Variants in CLEC16A observed in about 807,000 individuals in gnomAD.
CLEC16A encodes protein CLEC16A.
In CLEC16A, 51 loss-of-function variants were observed where a neutral mutation model predicts 109.5. The ratio of observed to expected loss-of-function variants is 0.47; its 90% CI spans 0.37 to 0.59. The LOEUF is 0.59. CLEC16A is among the 20% of genes least tolerant of loss of function. The pLI is 0.00. For synonymous variants in CLEC16A, 673 were observed against 564.2 expected, an observed-to-expected ratio of 1.19 and a Z score of -2.73; for missense variants, 1,339 against 1,394.0, an observed-to-expected ratio of 0.96 and a Z score of 0.63.
intron 10 of CLEC16A, among the ~76,000 whole-genome samples, chr16:11,000,923 T>C (rs2044631915): frequency 6.6e-6 from 1 of 152,186 alleles, no homozygotes; most frequent in Non-Finnish European, 1.5e-5. Flanking sequence ...ATAATCTATA[T>C]CAAGATAATG....
intron 15 of CLEC16A, 151 bp from the exon 16 acceptor site, chr16:11,043,877 A>T: frequency 1.9e-6 from 1 of 532,474 alleles, no homozygotes. Flanking sequence ...CCATCTCAAG[A>T]AAAGGGAAAA....
chr16:11,005,689 G>A (rs2044959566), intron 11 of CLEC16A, among the ~76,000 whole-genome samples: 1 of 152,210 alleles, frequency 6.6e-6, no homozygotes, highest in African/African-American at 2.4e-5. Context: ...TGCAGTTGGT[G>A]GGTGTTCTCT....
chr16:11,129,861 C>T (rs548321874), intron 22 of CLEC16A, among the ~76,000 whole-genome samples: 333 of 151,310 alleles, frequency 2.2e-3, no homozygotes, highest in Non-Finnish European at 3.8e-3. Flanking sequence ...CTCCCGGGTT[C>T]ACACCATTCT....
At chr16:10,960,287 C>G (rs1182695075) in intron 2 of CLEC16A, among the ~76,000 whole-genome samples, 1 of 152,088 alleles carries the variant, frequency 6.6e-6, no homozygotes, top group African/African-American at 2.4e-5. Context: ...ATTTTGTTGT[C>G]GTATATCCCC....
intron 23 of CLEC16A, among the ~76,000 whole-genome samples, chr16:11,173,677 T>C (rs1468935646): frequency 6.6e-6 from 1 of 152,026 alleles, no homozygotes; most frequent in Non-Finnish European, 1.5e-5. Context: ...TTGATTCACT[T>C]AGCTGGTTTG....
At chr16:10,966,055 C>G (rs957774075) in intron 3 of CLEC16A, among the ~76,000 whole-genome samples, 1 of 152,182 alleles carries the variant, frequency 6.6e-6, no homozygotes, top group African/African-American at 2.4e-5. Flanking sequence ...CCCTACTTCT[C>G]CCCCAGCAAG....
chr16:11,089,990 C>T (rs913153363), intron 19 of CLEC16A, among the ~76,000 whole-genome samples: 20 of 152,226 alleles, frequency 1.3e-4, no homozygotes, highest in Non-Finnish European at 2.6e-4. Context: ...TCTCTCAAAC[C>T]TCCACCATCC....
At position 11,020,229 on chromosome 16, in the gene CLEC16A, C is replaced by G. The variant is rs1366471211; in HGVS notation, c.1340C>G (p.Ser447Ter). ...GTGATCATGGAGCGTAGCAAGCTCT[C>G]AGAGCTGGCCGCCAGCACCTCCGTG... ...EMVIMERSKL[S>*]ELAASTSVQE... The change falls in exon 12 of 24, where the codon TCA becomes TGA. Residue 447 changes from serine (S) to a stop codon, truncating the protein, a stop_gained. Coordinates refer to ENST00000409790, the MANE Select transcript of CLEC16A (RefSeq NM_015226.3). LOFTEE classifies it high-confidence loss of function. The G allele has an allele frequency of 6.2e-7, 1 of 1,613,742 alleles. No homozygotes were observed. Among genetic ancestry groups the G allele is most frequent in the Non-Finnish European group, 8.5e-7 (1 of 1,179,730 alleles).
intron 1 of CLEC16A, among the ~76,000 whole-genome samples, chr16:10,945,646 G>T (rs1353078891): frequency 6.6e-6 from 1 of 152,170 alleles, no homozygotes; most frequent in African/African-American, 2.4e-5. Flanking sequence ...TGCAAATGGG[G>T]ATCGTGAACA....
intron 22 of CLEC16A, among the ~76,000 whole-genome samples, chr16:11,164,383 A>G (rs891974219): frequency 1.3e-5 from 2 of 152,204 alleles, no homozygotes; most frequent in African/African-American, 4.8e-5. Context: ...ACAGCTTCAC[A>G]TGAACCTGAG....
In CLEC16A at chr16:11,039,772, T is replaced by A; in HGVS notation, c.1556T>A (p.Leu519Ter). 1 of 1,602,658 alleles carries A rather than the reference T, an allele frequency of 6.2e-7. No homozygotes were observed. The highest frequency in any genetic ancestry group is 8.5e-7 in the Non-Finnish European group (1 of 1,174,746). The change falls in exon 14 of 24, where the codon TTA becomes TAA. Residue 519 changes from leucine to a stop codon, truncating the protein, a stop_gained. Transcript: ENST00000409790. LOFTEE classifies it high-confidence loss of function. Reference sequence around the variant, plus strand: ...GTTCCAGGCATGGATCCTGAAAAATTAGAGCGAATCCAGCTCCCCGTGCCA... The same window carrying A: ...GTTCCAGGCATGGATCCTGAAAAATAAGAGCGAATCCAGCTCCCCGTGCCA... ...SHNKGMDPEK[L>*]ERIQLPVPNA...
At chr16:10,985,616 C>G (rs1405465667) in intron 10 of CLEC16A, among the ~76,000 whole-genome samples, 1 of 151,662 alleles carries the variant, frequency 6.6e-6, no homozygotes, top group African/African-American at 2.4e-5. Flanking sequence ...CTCAGATTGT[C>G]TTACTGTAAG....
intron 11 of CLEC16A, among the ~76,000 whole-genome samples, chr16:11,014,605 A>G (rs902385376): frequency 4.6e-5 from 7 of 152,244 alleles, no homozygotes; most frequent in Admixed American, 6.5e-5. Flanking sequence ...CATAAAAGCA[A>G]GCAAATTAAA....
intron 19 of CLEC16A, among the ~76,000 whole-genome samples, chr16:11,089,860 C>G (rs1415614597): frequency 6.6e-6 from 1 of 152,236 alleles, no homozygotes; most frequent in Admixed American, 6.5e-5. Flanking sequence ...CCAGTCAACC[C>G]TGTGCTCTGC....
intron 10 of CLEC16A, among the ~76,000 whole-genome samples, chr16:10,997,049 C>T (rs1410079049): frequency 6.6e-6 from 1 of 152,216 alleles, no homozygotes; most frequent in Non-Finnish European, 1.5e-5. Context: ...GCAGCCTCAA[C>T]CTTCTGGGCT....
intron 19 of CLEC16A, among the ~76,000 whole-genome samples, chr16:11,076,021 A>C (rs1455709434): frequency 6.6e-6 from 1 of 152,148 alleles, no homozygotes; most frequent in Non-Finnish European, 1.5e-5. Context: ...TAAGCATCAC[A>C]TAGATAGAGA....
At chr16:11,145,416 C>G (rs2054010305) in intron 22 of CLEC16A, among the ~76,000 whole-genome samples, 1 of 152,244 alleles carries the variant, frequency 6.6e-6, no homozygotes, top group Non-Finnish European at 1.5e-5. Context: ...CATCCGCGGC[C>G]TCTCCCACTC....
At chr16:11,051,844 G>A (rs915043801) in intron 18 of CLEC16A, among the ~76,000 whole-genome samples, 1 of 152,238 alleles carries the variant, frequency 6.6e-6, no homozygotes, top group African/African-American at 2.4e-5. Context: ...TTGGCATTCC[G>A]TTGCATCTGG....
intron 22 of CLEC16A, among the ~76,000 whole-genome samples, chr16:11,161,565 G>A (rs1397855732): frequency 6.6e-6 from 1 of 152,196 alleles, no homozygotes; most frequent in African/African-American, 2.4e-5. Flanking sequence ...GGGGTTGTAG[G>A]AGGGCCTTGA....
Sources: gnomAD v4.1 joint callset for allele counts (sites outside exome capture counted in the v4.1 genomes callset) on GRCh38, gnomAD v4.1.1 for gene constraint, MANE v1.5 for transcripts, NCBI Gene and HGNC (gene_info 2026-07-23, HGNC 2026-07-21) for gene names.